Variants in SYT1 observed in about 807,000 individuals in gnomAD.
SYT1 encodes the protein synaptotagmin-1.
A neutral mutation model predicts 44.8 loss-of-function variants in SYT1; 8 were observed. The observed-to-expected ratio is 0.18, with a 90% CI of 0.10 to 0.32. The LOEUF is 0.32. Ranked by LOEUF, SYT1 falls within the 10% of genes least tolerant of loss-of-function variation. SYT1 has a pLI of 1.00. For synonymous variants in SYT1, 154 were observed against 188.8 expected (o/e 0.82, Z 1.51); for missense variants, 286 against 509.3 (o/e 0.56, Z 4.22).
intron 3 of SYT1, among the ~76,000 whole-genome samples, chr12:79,102,095 A>G (rs10506808): frequency 0.11 from 17,031 of 152,036 alleles, 1,026 homozygotes; most frequent in African/African-American, 0.13. Context: ...TCGCCTCCTA[A>G]TTGGTCTTTG....
intron 6 of SYT1, among the ~76,000 whole-genome samples, chr12:79,295,858 C>A (rs1302764430): frequency 1.3e-5 from 2 of 152,162 alleles, no homozygotes; most frequent in Non-Finnish European, 2.9e-5. Context: ...AACCAGGCTT[C>A]CCAGAGCCTG....
chr12:79,125,629 G>GAAAAAAAGAA (rs1301277413), intron 3 of SYT1, among the ~76,000 whole-genome samples: 1 of 112,920 alleles, frequency 8.9e-6, no homozygotes, highest in South Asian at 2.7e-4. Context: ...AAAAAAAAAA[G>GAAAAAAAGAA]AAAAAAAGAA....
intron 8 of SYT1, among the ~76,000 whole-genome samples, chr12:79,305,406 A>G (rs1285009031): frequency 6.6e-6 from 1 of 152,154 alleles, no homozygotes; most frequent in African/African-American, 2.4e-5. Context: ...ATAACCACCC[A>G]AAGGTCTGGT....
Position 79,245,204 on chromosome 12 carries a change from G to C in SYT1, c.166+27519G>C, listed in dbSNP as rs564950008. Among the ~76,000 whole-genome samples the C allele has an allele frequency of 4.0e-5, 6 of 150,952 alleles. No homozygotes were observed. The South Asian group carries it at 1.3e-3, about 32-fold the overall frequency. ...ATTATTGCCGGGCGCGGTGGCTCAC[G>C]CCTGTAATCCCAGCACTTTGGAAGG... On this transcript the variant is annotated intron_variant, in intron 4 of 10. Coordinates refer to ENST00000261205, the MANE Select transcript of SYT1 (RefSeq NM_005639.3).
At chr12:79,175,097 A>G (rs1207135634) in intron 3 of SYT1, among the ~76,000 whole-genome samples, 4 of 151,762 alleles carry the variant, frequency 2.6e-5, no homozygotes, top group African/African-American at 4.8e-5. Context: ...CTTGTTTTCT[A>G]TATGTGTTAT....
chr12:79,436,056 T>C (rs1230071330), intron 9 of SYT1, among the ~76,000 whole-genome samples: 2 of 152,204 alleles, frequency 1.3e-5, no homozygotes, highest in African/African-American at 4.8e-5. Flanking sequence ...GGTGAACTTT[T>C]GCCCAGGTAC....
Position 79,449,364 on chromosome 12 carries a change from C to A in SYT1, c.*240C>A. The A allele has an allele frequency of 2.0e-6, 1 of 502,948 alleles. No homozygotes were observed. 31.2% of individuals were successfully genotyped at this position (502,948 alleles called of 1,614,324 possible). On this transcript the variant is annotated 3_prime_UTR_variant, in exon 11 of 11. Transcript: ENST00000261205. ...TAAGCAATATGATGTGTAGATAGAG[C>A]ATGAATGAAATTATTTATTGTATCA...
chr12:79,433,885 C>T (rs1869937178), intron 9 of SYT1, among the ~76,000 whole-genome samples: 2 of 152,218 alleles, frequency 1.3e-5, no homozygotes, highest in Admixed American at 6.5e-5. Context: ...AACCCTCACA[C>T]TGATATGTCA....
At chr12:78,940,343 A>C (rs1878282275) in intron 1 of SYT1, among the ~76,000 whole-genome samples, 1 of 152,146 alleles carries the variant, frequency 6.6e-6, no homozygotes, top group Non-Finnish European at 1.5e-5. Context: ...ATGAGCTCAA[A>C]CATCAGAACA....
chr12:79,297,628 CAA>C (rs1240562953), intron 7 of SYT1, among the ~76,000 whole-genome samples: 3 of 152,066 alleles, frequency 2.0e-5, no homozygotes, highest in Admixed American at 6.5e-5. Flanking sequence ...ACATTTTTAT[CAA>C]GTTTCATTTT....
Position 79,135,120 on chromosome 12 carries a change from TAC to T in SYT1, c.-17-82382_-17-82381del, listed in dbSNP as rs1299735583. On this transcript the variant is annotated intron_variant, in intron 3 of 10. Transcript: ENST00000261205. Reference sequence around the variant, plus strand: ...TGCATATACTTTTTTATTATTATTATACTTTAAGTTTTAGGGTACATGTGCAC... The same window carrying T: ...TGCATATACTTTTTTATTATTATTATTTTAAGTTTTAGGGTACATGTGCAC... Among the ~76,000 whole-genome samples the T allele has an allele frequency of 6.6e-5, 10 of 152,300 alleles. No individual in the cohort carries two copies. In the East Asian group the frequency reaches 1.9e-3, roughly 29 times the overall value.
At chr12:79,216,810 C>T (rs914247952) in intron 3 of SYT1, among the ~76,000 whole-genome samples, 1 of 152,040 alleles carries the variant, frequency 6.6e-6, no homozygotes, top group Middle Eastern at 3.2e-3. Flanking sequence ...TCATTAGCAG[C>T]ACCTTGATAT....
Position 79,096,634 on chromosome 12 carries a change from T to G in SYT1, c.-18+49272T>G, listed in dbSNP as rs557746976. ...GAGGCATTTTAGGTGAAATAAGCAG[T>G]ATGTTAAAAGGAACAGAGGAATGCA... On this transcript the variant is annotated intron_variant, in intron 3 of 10. Transcript: ENST00000261205. Among the ~76,000 whole-genome samples the G allele has an allele frequency of 2.7e-3, 403 of 151,984 alleles. 1 individual carries two copies. The highest frequency in any genetic ancestry group is 9.2e-3 in the African/African-American group (384 of 41,514).
intron 8 of SYT1, among the ~76,000 whole-genome samples, chr12:79,331,198 A>G (rs1303910934): frequency 1.3e-5 from 2 of 152,082 alleles, no homozygotes; most frequent in East Asian, 1.9e-4. Flanking sequence ...TCATTTCTCT[A>G]CCTTGAATTT....
chr12:79,372,614 T>C (rs1299919042), intron 9 of SYT1, among the ~76,000 whole-genome samples: 2 of 151,852 alleles, frequency 1.3e-5, no homozygotes, highest in Non-Finnish European at 2.9e-5. Context: ...TAGACCAAAC[T>C]CCGGAAGGCT....
At chr12:79,087,531 G>A (rs1011597034) in intron 3 of SYT1, among the ~76,000 whole-genome samples, 28 of 152,130 alleles carry the variant, frequency 1.8e-4, no homozygotes, top group Non-Finnish European at 5.9e-5. Context: ...ATTGAGTGAT[G>A]AATAGGACTA....
chr12:79,144,009 G>T (rs2138226390), intron 3 of SYT1, among the ~76,000 whole-genome samples: 1 of 152,304 alleles, frequency 6.6e-6, no homozygotes, highest in South Asian at 2.1e-4. Flanking sequence ...CTTAAGTAGA[G>T]AGTCTTAGGT....
At chr12:78,913,519 T>A (rs1876465347) in intron 1 of SYT1, among the ~76,000 whole-genome samples, 1 of 151,822 alleles carries the variant, frequency 6.6e-6, no homozygotes, top group Non-Finnish European at 1.5e-5. Flanking sequence ...GTATGCTCAT[T>A]TCTCCAATTG....
At chr12:79,321,912 A>G (rs933355650) in intron 8 of SYT1, among the ~76,000 whole-genome samples, 8 of 152,170 alleles carry the variant, frequency 5.3e-5, no homozygotes, top group East Asian at 1.9e-4. Context: ...GTCTCCTCCA[A>G]GTGGAGCACA....
Sources: gnomAD v4.1 joint callset for allele counts (sites outside exome capture counted in the v4.1 genomes callset) on GRCh38, gnomAD v4.1.1 for gene constraint, MANE v1.5 for transcripts, NCBI Gene and HGNC (gene_info 2026-07-23, HGNC 2026-07-21) for gene names.